The following FRMD5 variants were observed in gnomAD, a reference collection of about 807,000 sequenced individuals.
The protein encoded by FRMD5 is FERM domain-containing protein 5.
A neutral mutation model predicts 69.0 loss-of-function variants in FRMD5; 20 were observed. The observed-to-expected ratio is 0.29, with a 90% CI of 0.20 to 0.42. The LOEUF (loss-of-function observed/expected upper bound fraction) is 0.42. Among genes scored for constraint, FRMD5 ranks in the 10% least tolerant of loss-of-function variants. The pLI, the probability that FRMD5 is intolerant of heterozygous loss-of-function variation, is 1.00. For synonymous variants in FRMD5, 271 were observed against 260.1 expected (o/e 1.04, Z -0.40); for missense variants, 595 against 708.6 (o/e 0.84, Z 1.82).
At chr15:43,993,622 A>G (rs569804539) in intron 1 of FRMD5, among the ~76,000 whole-genome samples, 2 of 152,314 alleles carry the variant, frequency 1.3e-5, no homozygotes, top group East Asian at 3.9e-4. Flanking sequence ...TTTAAGTCCA[A>G]TGCTTCCTTA....
intron 1 of FRMD5, among the ~76,000 whole-genome samples, chr15:44,024,947 G>A (rs1891365603): frequency 1.3e-5 from 2 of 152,126 alleles, no homozygotes; most frequent in Admixed American, 1.3e-4. Context: ...TGGTTTATAG[G>A]TATGAGATCT....
At position 43,871,118 on chromosome 15, in the gene FRMD5, CTT is replaced by C. The variant is rs2088149905; in HGVS notation, c.*2765_*2766del. The stretch of plus-strand genomic sequence containing the variant: ...GAACACAGTATAACCAGGTTAAAAA[CTT>C]GAACAATTTTTAAAGGTGGAGATAT... On this transcript the variant is annotated 3_prime_UTR_variant, in exon 14 of 14. Transcript: ENST00000417257. The C allele has an allele frequency of 6.6e-6, 1 of 152,074 alleles. No individual in the cohort carries two copies. The highest frequency in any genetic ancestry group is 1.5e-5 in the Non-Finnish European group (1 of 68,000). 9.4% of individuals were successfully genotyped at this position (152,074 alleles called of 1,614,324 possible).
At chr15:43,998,547 T>C (rs553082097) in intron 1 of FRMD5, among the ~76,000 whole-genome samples, 2 of 152,300 alleles carry the variant, frequency 1.3e-5, no homozygotes, top group African/African-American at 4.8e-5. Flanking sequence ...AGGGTGTCTG[T>C]CAATTCTGTC....
chr15:43,893,578 G>C (rs569898739), intron 7 of FRMD5, among the ~76,000 whole-genome samples: 1 of 152,360 alleles, frequency 6.6e-6, no homozygotes, highest in Non-Finnish European at 1.5e-5. Context: ...TAAGTGTGTT[G>C]AGGTGACCAG....
intron 1 of FRMD5, among the ~76,000 whole-genome samples, chr15:44,017,845 G>A (rs1446135750): frequency 2.6e-5 from 4 of 151,808 alleles, no homozygotes; most frequent in East Asian, 1.9e-4. Context: ...TCCTAACCTC[G>A]TGATCCGCCC....
At chr15:43,987,294 G>A (rs1889439793) in intron 1 of FRMD5, among the ~76,000 whole-genome samples, 1 of 152,216 alleles carries the variant, frequency 6.6e-6, no homozygotes, top group Admixed American at 6.5e-5. Context: ...TCTTGTGCCA[G>A]TTAGCCAAGT....
chr15:43,942,464 C>T (rs1036472738), intron 1 of FRMD5, among the ~76,000 whole-genome samples: 3 of 152,204 alleles, frequency 2.0e-5, no homozygotes, highest in Non-Finnish European at 4.4e-5. Context: ...AAACTTAGGT[C>T]TGCTTAATGG....
intron 1 of FRMD5, among the ~76,000 whole-genome samples, chr15:44,019,737 CAAAAA>C (rs1189890743): frequency 4.3e-5 from 1 of 23,516 alleles, no homozygotes; most frequent in Admixed American, 4.1e-4. Context: ...GAGTCTGTCT[CAAAAA>C]AAAAAAAAAA....
intron 1 of FRMD5, among the ~76,000 whole-genome samples, chr15:44,149,746 A>AT (rs1450032636): frequency 1.3e-5 from 2 of 152,176 alleles, no homozygotes; most frequent in African/African-American, 4.8e-5. Flanking sequence ...ATCAAAATAT[A>AT]TAAAGCAAAG....
At chr15:43,999,969 T>TGCC (rs59520778) in intron 1 of FRMD5, among the ~76,000 whole-genome samples, 2 of 14,852 alleles carry the variant, frequency 1.3e-4, no homozygotes, top group African/African-American at 2.0e-4. Flanking sequence ...TATATATATA[T>TGCC]ATATATATAT....
intron 1 of FRMD5, among the ~76,000 whole-genome samples, chr15:44,023,562 C>T (rs1390443755): frequency 6.6e-6 from 1 of 152,100 alleles, no homozygotes; most frequent in African/African-American, 2.4e-5. Context: ...AAATAAGCTC[C>T]TCTCAACTTA....
chr15:44,090,739 C>T (rs372412502), intron 1 of FRMD5, among the ~76,000 whole-genome samples: 5 of 152,220 alleles, frequency 3.3e-5, no homozygotes, highest in African/African-American at 9.6e-5. Flanking sequence ...TGTGCCTGGG[C>T]GAATAACTGC....
rs747747488 is a variant in FRMD5, at chr15:44,117,991, C to CTTTTTTTTTTTTTTTTT, written c.102+76945_102+76961dup. Among the ~76,000 whole-genome samples, 136 of 92,540 alleles carry CTTTTTTTTTTTTTTTTT rather than the reference C, an allele frequency of 1.5e-3. 1 individual carries two copies. The highest frequency in any genetic ancestry group is 2.0e-3 in the African/African-American group (43 of 21,610). The allele number at this position is 92,540 out of a possible 152,430, so 60.7% of individuals were successfully genotyped here. ...CTGGATTCCATTTCTTTCTTTTTTACTTTTTTTTTTTTTTTTTTTTTTTTG... is the reference window on the plus strand; with the variant it reads ...CTGGATTCCATTTCTTTCTTTTTTACTTTTTTTTTTTTTTTTTTTTTTTTTTTTTTTTTTTTTTTTTG... On this transcript the variant is annotated intron_variant, in intron 1 of 13. Coordinates refer to ENST00000417257, the MANE Select transcript of FRMD5 (RefSeq NM_032892.5).
intron 1 of FRMD5, chr15:43,989,632 G>T: frequency 1.1e-6 from 1 of 872,172 alleles, no homozygotes; most frequent in Non-Finnish European, 2.0e-6. Context: ...AGTCAGTCAG[G>T]TCCTGACCAG....
intron 1 of FRMD5, chr15:43,989,027 A>G: frequency 2.4e-6 from 2 of 822,258 alleles, no homozygotes; most frequent in South Asian, 1.3e-5. Context: ...GGTTTTGTCA[A>G]GAAAGGGTGT....
chr15:43,959,318 C>G (rs575138315), intron 1 of FRMD5, among the ~76,000 whole-genome samples: 4 of 152,208 alleles, frequency 2.6e-5, no homozygotes, highest in African/African-American at 9.6e-5. Context: ...TTTTAGGTTT[C>G]GAAGACGAAA....
intron 1 of FRMD5, among the ~76,000 whole-genome samples, chr15:44,026,791 T>C (rs887087292): frequency 2.0e-5 from 3 of 152,214 alleles, no homozygotes; most frequent in Non-Finnish European, 2.9e-5. Context: ...AAAAAGCTAC[T>C]ATATTTTTCT....
chr15:43,898,707 C>A (rs551948511), intron 7 of FRMD5, among the ~76,000 whole-genome samples: 2 of 152,356 alleles, frequency 1.3e-5, no homozygotes, highest in South Asian at 4.1e-4. Flanking sequence ...TAGCAATGGA[C>A]TGCCAGTGGT....
At chr15:43,953,011 G>C (rs1032672618) in intron 1 of FRMD5, among the ~76,000 whole-genome samples, 2 of 152,218 alleles carry the variant, frequency 1.3e-5, no homozygotes, top group African/African-American at 4.8e-5. Context: ...CCAGGGGCTA[G>C]ACCTCGAGCA....
Sources: gnomAD v4.1 joint callset for allele counts (sites outside exome capture counted in the v4.1 genomes callset) on GRCh38, gnomAD v4.1.1 for gene constraint, MANE v1.5 for transcripts, NCBI Gene and HGNC (gene_info 2026-07-23, HGNC 2026-07-21) for gene names.